Variants in RABGEF1 observed in about 807,000 individuals in gnomAD.
RABGEF1 encodes the protein rab5 GDP/GTP exchange factor.
A neutral mutation model predicts 57.3 loss-of-function variants in RABGEF1; 26 were observed. That is an observed-to-expected ratio of 0.45 (90% CI 0.33 to 0.63). The LOEUF (loss-of-function observed/expected upper bound fraction) is 0.63. Ranked by LOEUF, RABGEF1 falls within the 20% of genes least tolerant of loss-of-function variation. RABGEF1 has a pLI of 0.02. For synonymous variants in RABGEF1, 185 were observed against 210.7 expected (o/e 0.88, Z 1.06); for missense variants, 464 against 607.6 (o/e 0.76, Z 2.48).
the RABGEF1 span, among the ~76,000 whole-genome samples, chr7:66,664,391 A>G: frequency 8.4e-4 from 128 of 151,922 alleles, no homozygotes; most frequent in Non-Finnish European, 1.6e-3. Context: ...ACCAGCCTGG[A>G]CAATATAGCA....
At chr7:66,779,381 G>C (rs1402004886) in intron 3 of RABGEF1, among the ~76,000 whole-genome samples, 2 of 152,008 alleles carry the variant, frequency 1.3e-5, no homozygotes, top group East Asian at 3.9e-4. Flanking sequence ...GCACGTGCCT[G>C]CAATCCCAGC....
intron 1 of RABGEF1, among the ~76,000 whole-genome samples, chr7:66,764,729 A>G (rs531231194): frequency 2.0e-5 from 3 of 152,276 alleles, no homozygotes; most frequent in Admixed American, 6.5e-5. Flanking sequence ...TCTTTTCTCC[A>G]TTGAGTAGTC....
chr7:66,698,336 G>T (rs201113954), intron 1 of RABGEF1, among the ~76,000 whole-genome samples: 1 of 152,136 alleles, frequency 6.6e-6, no homozygotes, highest in Non-Finnish European at 1.5e-5. Flanking sequence ...AACCCCCAGG[G>T]CAAGGCCTGT....
In RABGEF1 at chr7:66,682,437, C is replaced by T. The variant is rs547416378; in HGVS notation, c.-873+179C>T. Among the ~76,000 whole-genome samples, 66 of 152,352 alleles carry T rather than the reference C, an allele frequency of 4.3e-4. No individual in the cohort carries two copies. In the East Asian group the frequency reaches 9.4e-3, roughly 22 times the overall value. On this transcript the variant is annotated intron_variant and NMD_transcript_variant, in intron 1 of 9. Transcript: ENST00000607882. Reference sequence around the variant, plus strand: ...GCCGCCTGCCCCGTTTCAGGCCGCCCTCGGTTCCCTTAATCCTCACAGTGC... The same window carrying T: ...GCCGCCTGCCCCGTTTCAGGCCGCCTTCGGTTCCCTTAATCCTCACAGTGC...
intron 7 of RABGEF1, among the ~76,000 whole-genome samples, chr7:66,802,893 G>A (rs1196932195): frequency 6.6e-6 from 1 of 151,914 alleles, no homozygotes; most frequent in Non-Finnish European, 1.5e-5. Flanking sequence ...CAGGATGCAA[G>A]ATGAAAGAAC....
chr7:66,754,603 C>T (rs532789257), intron 1 of RABGEF1, among the ~76,000 whole-genome samples: 2 of 152,114 alleles, frequency 1.3e-5, no homozygotes, highest in Non-Finnish European at 2.9e-5. Flanking sequence ...TTTTTCAGTA[C>T]ATTGGCCAGT....
intron 2 of RABGEF1, among the ~76,000 whole-genome samples, chr7:66,734,597 ATT>A (rs550927387): frequency 6.2e-4 from 74 of 119,654 alleles, no homozygotes; most frequent in Admixed American, 1.0e-3. Flanking sequence ...TGCCTGGCTA[ATT>A]TTTTTTTTTT....
chr7:66,657,290 A>G, the RABGEF1 span, among the ~76,000 whole-genome samples: 2 of 152,262 alleles, frequency 1.3e-5, no homozygotes, highest in African/African-American at 4.8e-5. Context: ...TATGCAAAAT[A>G]CTAAGTATTT....
intron 1 of RABGEF1, among the ~76,000 whole-genome samples, chr7:66,767,806 C>A (rs1265845393): frequency 2.6e-5 from 4 of 152,198 alleles, no homozygotes; most frequent in Admixed American, 6.5e-5. Flanking sequence ...CAGCTTCCTG[C>A]ACTGTGAGAA....
chr7:66,690,630 T>C (rs1791381002), intron 1 of RABGEF1, among the ~76,000 whole-genome samples: 1 of 151,066 alleles, frequency 6.6e-6, no homozygotes, highest in South Asian at 2.1e-4. Flanking sequence ...TGAAAGGATC[T>C]GGGAAGTTGA....
At chr7:66,677,402 A>G (rs374426036), upstream of RABGEF1, among the ~76,000 whole-genome samples, 5 of 152,122 alleles carry the variant, frequency 3.3e-5, no homozygotes, top group African/African-American at 9.7e-5. Flanking sequence ...TGAGACCCCT[A>G]TCTCTATAAA....
chr7:66,792,263 C>T (rs2129164678), intron 4 of RABGEF1, among the ~76,000 whole-genome samples: 1 of 152,174 alleles, frequency 6.6e-6, no homozygotes, highest in Non-Finnish European at 1.5e-5. Flanking sequence ...AAGAACTTAC[C>T]AACACAAACC....
chr7:66,718,969 C>T (rs1795703222), intron 2 of RABGEF1, among the ~76,000 whole-genome samples: 1 of 152,226 alleles, frequency 6.6e-6, no homozygotes. Context: ...ACGACTGCAT[C>T]TTTCTTCAGT....
chr7:66,658,179 G>T, the RABGEF1 span, among the ~76,000 whole-genome samples: 15 of 152,086 alleles, frequency 9.9e-5, no homozygotes, highest in African/African-American at 3.6e-4. Flanking sequence ...ATAACCAAAT[G>T]AAATGGCAAA....
rs918824673 is a variant in RABGEF1, at chr7:66,683,188, G to T, written c.-873+930G>T. Among the ~76,000 whole-genome samples, 74 of 152,100 alleles carry T rather than the reference G, an allele frequency of 4.9e-4. 1 individual carries two copies. Among genetic ancestry groups the T allele is most frequent in the Admixed American group, 8.5e-4 (13 of 15,268 alleles). Reference sequence around the variant, plus strand: ...AGATGGGATCTCACAATGTTACCCAGGCAGGTGTCAAACTCCTGGCCTTAA... The same window carrying T: ...AGATGGGATCTCACAATGTTACCCATGCAGGTGTCAAACTCCTGGCCTTAA... On this transcript the variant is annotated intron_variant and NMD_transcript_variant, in intron 1 of 9. Coordinates refer to the RABGEF1 transcript ENST00000607882.
chr7:66,795,735 T>TGG, intron 5 of RABGEF1, 143 bp downstream of exon 5: 1 of 763,360 alleles, frequency 1.3e-6, no homozygotes, highest in Non-Finnish European at 2.3e-6. Context: ...GGAACTGGTC[T>TGG]TATACTTAGC....
chr7:66,707,412 G>T (rs894608801), intron 1 of RABGEF1, among the ~76,000 whole-genome samples: 1 of 151,956 alleles, frequency 6.6e-6, no homozygotes, highest in African/African-American at 2.4e-5. Flanking sequence ...AAAAATGAAG[G>T]CCAGGCATGA....
intron 2 of RABGEF1, among the ~76,000 whole-genome samples, chr7:66,772,843 C>T (rs1301566861): frequency 1.3e-5 from 2 of 151,196 alleles, no homozygotes; most frequent in African/African-American, 2.4e-5. Flanking sequence ...ACCCAGGTAT[C>T]GGAGGTTGCA....
At chr7:66,689,146 C>G (rs549815319) in intron 1 of RABGEF1, among the ~76,000 whole-genome samples, 1 of 151,942 alleles carries the variant, frequency 6.6e-6, no homozygotes, top group Admixed American at 6.6e-5. Context: ...AGTCACCTAA[C>G]TATACACTTT....
Sources: allele counts gnomAD v4.1 joint callset (sites outside exome capture counted in the v4.1 genomes callset), GRCh38; gene constraint gnomAD v4.1.1; transcripts MANE v1.5; gene names NCBI Gene and HGNC (gene_info 2026-07-23, HGNC 2026-07-21).